ETV5: variants seen among roughly 807,000 people sequenced by gnomAD.
ETV5 encodes the protein ETS translocation variant 5.
ETV5 carries 10 observed loss-of-function variants against 70.0 expected under a neutral mutation model. The ratio of observed to expected loss-of-function variants is 0.14; its 90% CI spans 0.09 to 0.24. ETV5 has a LOEUF of 0.24. ETV5 is among the 10% of genes least tolerant of loss of function. ETV5 has a pLI of 1.00. For synonymous variants in ETV5, 216 were observed against 242.2 expected, an observed-to-expected ratio of 0.89 and a Z score of 1.01; for missense variants, 453 against 651.2, an observed-to-expected ratio of 0.70 and a Z score of 3.31.
At chr3:186,079,526 C>A (rs1713879077) in intron 7 of ETV5, among the ~76,000 whole-genome samples, 1 of 152,172 alleles carries the variant, frequency 6.6e-6, no homozygotes, top group Non-Finnish European at 1.5e-5. Context: ...CAAGACTATC[C>A]TGGCAAGTCA....
Position 186,066,007 on chromosome 3 carries a change from T to C in ETV5, c.716A>G (p.Asn239Ser), listed in dbSNP as rs756436991. 1.2e-6 allele frequency: 2 copies of C among 1,610,710 alleles called. No individual in the cohort carries two copies. Among genetic ancestry groups the C allele is most frequent in the Non-Finnish European group, 8.5e-7 (1 of 1,178,388 alleles). Residue 239 changes from asparagine to serine, a missense_variant, in exon 8 of 13, where the codon AAT (asparagine) becomes AGT (serine). By Grantham distance (46) the Asn-to-Ser change is conservative. This residue lies in a region of ETV5 where 307 missense variants were observed against 344.9 expected (regional missense o/e 0.89). Transcript: ENST00000306376. ...FPPQPGVPGD[N>S]RPSYHRQMSE... Reference sequence around the variant, plus strand: ...CATTTGCCGATGGTAACTGGGGCGATTATCTCCAGGAACTCCTGGCTGAGG... The same window carrying C: ...CATTTGCCGATGGTAACTGGGGCGACTATCTCCAGGAACTCCTGGCTGAGG...
rs1294882365 is a variant in ETV5 at position 186,057,380 on chromosome 3, C to T, written c.1039+43G>A. ...TCATGGCTGAGGTGTTCTGACACCT[C>T]CAAACCTCTACCTGGCAACAAACCT... On this transcript the variant is annotated intron_variant, in intron 10 of 12. Coordinates refer to ENST00000306376, the MANE Select transcript of ETV5 (RefSeq NM_004454.3). The surrounding 1 kb of genome is among the most constrained non-coding windows in gnomAD (Gnocchi z 4.9). 25 of 1,610,900 alleles carry T rather than the reference C, an allele frequency of 1.6e-5. No individual in the cohort carries two copies. Among genetic ancestry groups the T allele is most frequent in the Non-Finnish European group, 2.0e-5 (23 of 1,177,214 alleles).
rs150849883 is a variant in ETV5, at chr3:186,060,684, G to C, written c.971-3193C>G. Among the ~76,000 whole-genome samples, 1,021 of 152,272 alleles carry C rather than the reference G, an allele frequency of 6.7e-3. 10 individuals are homozygous for C. Among genetic ancestry groups the C allele is most frequent in the African/African-American group, 0.023 (971 of 41,544 alleles). ...AGGGTAATTTAGAACAATTAAAAATGCTGGATTCTTTGAAACTAACTTCTT... is the reference window on the plus strand; with the variant it reads ...AGGGTAATTTAGAACAATTAAAAATCCTGGATTCTTTGAAACTAACTTCTT... On this transcript the variant is annotated intron_variant, in intron 9 of 12. Transcript: ENST00000306376.
intron 7 of ETV5, among the ~76,000 whole-genome samples, chr3:186,072,575 G>A (rs1036880539): frequency 4.6e-5 from 7 of 152,194 alleles, no homozygotes; most frequent in Middle Eastern, 3.4e-3. Context: ...ATTTTCCTGC[G>A]ATATAACGAA....
chr3:186,088,900 A>G (rs574727318), intron 5 of ETV5, among the ~76,000 whole-genome samples: 5 of 152,356 alleles, frequency 3.3e-5, no homozygotes, highest in South Asian at 4.1e-4. Flanking sequence ...ATACCTAGTT[A>G]GCAGGAAAAA....
At chr3:186,090,639 G>A (rs1015443929) in intron 5 of ETV5, among the ~76,000 whole-genome samples, 1 of 152,254 alleles carries the variant, frequency 6.6e-6, no homozygotes, top group Middle Eastern at 3.4e-3. Flanking sequence ...AGAACAGCTG[G>A]ACAACTCATT....
At chr3:186,085,555 C>T (rs1449516786) in intron 5 of ETV5, among the ~76,000 whole-genome samples, 2 of 146,258 alleles carry the variant, frequency 1.4e-5, no homozygotes, top group African/African-American at 5.1e-5. Flanking sequence ...GTTGCCCAGG[C>T]TGGAGTGCAA....
chr3:186,082,845 T>A (rs1468948297), intron 5 of ETV5, among the ~76,000 whole-genome samples: 4 of 152,362 alleles, frequency 2.6e-5, no homozygotes, highest in African/African-American at 9.6e-5. Flanking sequence ...GATGACTCTA[T>A]CACAGATGAC....
rs1169437921 is a variant in ETV5, at chr3:186,046,668, TCAAAAGA to T, written c.*1964_*1970del. ...TATTGCTAAGACAGCATAAATCCATTCAAAAGAAAAAAAAAAAAAATCCAAACCAGGG... is the reference window on the plus strand; with the variant it reads ...TATTGCTAAGACAGCATAAATCCATTAAAAAAAAAAAAATCCAAACCAGGG... On this transcript the variant is annotated 3_prime_UTR_variant, in exon 13 of 13. Transcript: ENST00000306376. 128 of 172,134 alleles carry T rather than the reference TCAAAAGA, an allele frequency of 7.4e-4. No homozygotes were observed. Among genetic ancestry groups the T allele is most frequent in the African/African-American group, 3.6e-3 (119 of 33,194 alleles). 10.7% of individuals were successfully genotyped at this position (172,134 alleles called of 1,614,324 possible).
intron 7 of ETV5, chr3:186,077,896 T>A: frequency 1.6e-6 from 1 of 617,058 alleles, no homozygotes; most frequent in Non-Finnish European, 2.1e-6. Flanking sequence ...GAGCTTTGAA[T>A]TTTAGACCCA....
At position 186,065,905 on chromosome 3, in the gene ETV5, T is replaced by G. The variant is rs1713431136; in HGVS notation, c.818A>C (p.His273Pro). ...GGGCCCTGGCATGCCCGGGACCCCA[T>G]GTTCATAGAGTGGGTCATGGTATTC... is the stretch of plus-strand genomic sequence containing the variant. Reference protein sequence around the residue: ...KQEYHDPLYEHGVPGMPGPPA... With the variant: ...KQEYHDPLYEPGVPGMPGPPA... Residue 273 changes from histidine (H) to proline (P), a missense_variant, in exon 8 of 13, where the codon CAT becomes CCT. Physicochemically the swap from His to Pro is moderately conservative, Grantham distance 77 (BLOSUM62 -2). Transcript: ENST00000306376. The G allele has an allele frequency of 6.2e-7, 1 of 1,613,766 alleles. No individual in the cohort carries two copies. The highest frequency in any genetic ancestry group is 1.3e-5 in the African/African-American group (1 of 74,938).
intron 5 of ETV5, among the ~76,000 whole-genome samples, chr3:186,103,680 C>T (rs928732604): frequency 3.4e-5 from 5 of 149,236 alleles, no homozygotes; most frequent in Non-Finnish European, 7.4e-5. Context: ...CTTGGATTAT[C>T]TTTATTTAGT....
intron 11 of ETV5, among the ~76,000 whole-genome samples, chr3:186,053,204 C>T (rs1197116692): frequency 2.0e-5 from 3 of 152,148 alleles, no homozygotes; most frequent in Non-Finnish European, 2.9e-5. Context: ...CAGGCTCAAG[C>T]GATTCTCCTG....
At chr3:186,059,376 C>T (rs1461617310) in intron 9 of ETV5, among the ~76,000 whole-genome samples, 4 of 152,136 alleles carry the variant, frequency 2.6e-5, no homozygotes, top group African/African-American at 9.7e-5. Flanking sequence ...TAGACTTGGT[C>T]CTTGTTCTCA....
intron 12 of ETV5, among the ~76,000 whole-genome samples, chr3:186,049,475 C>T (rs1578533839): frequency 1.3e-5 from 2 of 152,280 alleles, no homozygotes; most frequent in South Asian, 4.1e-4. Flanking sequence ...TGTTCAAGGA[C>T]CTCATGGTAT....
chr3:186,083,049 A>G (rs1713969553), intron 5 of ETV5, among the ~76,000 whole-genome samples: 2 of 152,268 alleles, frequency 1.3e-5, no homozygotes, highest in African/African-American at 4.8e-5. Flanking sequence ...ATGGCAGCCA[A>G]CACTCAATTG....
At chr3:186,079,195 TG>T (rs1297768283) in intron 7 of ETV5, 1 of 647,420 alleles carries the variant, frequency 1.5e-6, no homozygotes, top group Non-Finnish European at 2.0e-6. Flanking sequence ...GTTTGGAGTG[TG>T]CAGAGAAGGT....
intron 1 of ETV5, 121 bp downstream of exon 1, chr3:186,108,819 C>T: frequency 3.6e-6 from 1 of 279,984 alleles, no homozygotes; most frequent in South Asian, 3.2e-5. Flanking sequence ...GTCACCCCAG[C>T]TACTGCACCC....
intron 5 of ETV5, among the ~76,000 whole-genome samples, chr3:186,084,742 C>T (rs1714017637): frequency 6.6e-6 from 1 of 152,158 alleles, no homozygotes; most frequent in Non-Finnish European, 1.5e-5. Context: ...GGAGAAGAGG[C>T]AAGGGCCTCC....
Sources: allele counts gnomAD v4.1 joint callset (sites outside exome capture counted in the v4.1 genomes callset), GRCh38; gene constraint gnomAD v4.1.1; regional missense constraint gnomAD v4.1.1; non-coding constraint Gnocchi (gnomAD v3.1); transcripts MANE v1.5; gene names NCBI Gene and HGNC (gene_info 2026-07-23, HGNC 2026-07-21).